The following ARHGEF17 variants were observed in gnomAD, a reference collection of about 807,000 sequenced individuals.
The protein encoded by ARHGEF17 is Rho guanine nucleotide exchange factor 17, also known as 164 kDa Rho-specific guanine-nucleotide exchange factor.
Under a neutral mutation model 174.0 loss-of-function variants are expected in ARHGEF17, and 80 were observed. That is an observed-to-expected ratio of 0.46 (90% CI 0.38 to 0.55). The LOEUF (loss-of-function observed/expected upper bound fraction) is 0.55. Ranked by LOEUF, ARHGEF17 falls within the 20% of genes least tolerant of loss-of-function variation. The pLI is 0.00. For synonymous variants in ARHGEF17, 1,311 were observed against 1,189.1 expected (o/e 1.10, Z -2.11); for missense variants, 2,886 against 2,839.7 (o/e 1.02, Z -0.37).
chr11:73,350,623 T>C (rs971305945), intron 2 of ARHGEF17, among the ~76,000 whole-genome samples: 3 of 152,188 alleles, frequency 2.0e-5, no homozygotes, highest in Non-Finnish European at 4.4e-5. Flanking sequence ...AGAAGTTAAA[T>C]AGAAGTTAGG....
chr11:73,309,887 C>T lies in ARHGEF17; in HGVS notation c.1249C>T (p.Arg417Cys), dbSNP rs751895184. ...SRGSGGWGVYRSPSFGAGEGL... is the reference protein window; with the variant it reads ...SRGSGGWGVYCSPSFGAGEGL... ...GGGTTCTGGGGGCTGGGGCGTGTACCGCTCCCCTAGCTTTGGAGCTGGGGA... is the reference window on the plus strand; with the variant it reads ...GGGTTCTGGGGGCTGGGGCGTGTACTGCTCCCCTAGCTTTGGAGCTGGGGA... The change falls in exon 1 of 21, where the codon CGC (arginine) becomes TGC (cysteine). Residue 417 changes from arginine (R) to cysteine (C), a missense_variant. Physicochemically the swap from Arg to Cys is radical, Grantham distance 180. Coordinates refer to ENST00000263674, the MANE Select transcript of ARHGEF17 (RefSeq NM_014786.4). 12 of 1,612,946 alleles carry T rather than the reference C, an allele frequency of 7.4e-6. No homozygotes were observed. Among genetic ancestry groups the T allele is most frequent in the East Asian group, 2.2e-5 (1 of 44,876 alleles).
Position 73,351,732 on chromosome 11 carries a change from C to G in ARHGEF17, c.3271-1098C>G, listed in dbSNP as rs1047033387. ...AGGTATCTGGGACTACAGGCGCACA[C>G]CACTAGGCCCAGCTAATTTATTGTA... On this transcript the variant is annotated intron_variant, in intron 2 of 20. Transcript: ENST00000263674. Among the ~76,000 whole-genome samples the G allele has an allele frequency of 5.3e-5, 8 of 152,136 alleles. 1 individual carries two copies. In the East Asian group the frequency reaches 1.4e-3, roughly 26 times the overall value.
Position 73,309,079 on chromosome 11 carries a change from C to G in ARHGEF17, c.441C>G (p.Ser147=). 1.3e-6 allele frequency: 2 copies of G among 1,528,862 alleles called. No homozygotes were observed. The highest frequency in any genetic ancestry group is 1.4e-5 in the African/African-American group (1 of 69,726). 94.7% of individuals were successfully genotyped at this position (1,528,862 alleles called of 1,614,324 possible). The change falls in exon 1 of 21, where the codon TCC becomes TCG. Residue 147 remains serine (S), a synonymous_variant. Coordinates refer to ENST00000263674, the MANE Select transcript of ARHGEF17 (RefSeq NM_014786.4). ...GGAGGCCCAGCGCCGACTCTGAATCCCCAGGAACGCCCAGCCCCGACGGTG... is the reference window on the plus strand; with the variant it reads ...GGAGGCCCAGCGCCGACTCTGAATCGCCAGGAACGCCCAGCCCCGACGGTG... ...GSRRPSADSE[S]PGTPSPDGAA...
chr11:73,359,791 GTCTGTC>G (rs2134420100), intron 9 of ARHGEF17, 37 bp from the exon 10 acceptor site: 1 of 1,485,090 alleles, frequency 6.7e-7, no homozygotes, highest in Non-Finnish European at 9.0e-7. Context: ...GCCTGACCTT[GTCTGTC>G]TCTGTATCAG....
Position 73,309,706 on chromosome 11 carries a change from G to A in ARHGEF17, c.1068G>A (p.Gln356=). 1 of 1,613,022 alleles carries A rather than the reference G, an allele frequency of 6.2e-7. No individual in the cohort carries two copies. Among genetic ancestry groups the A allele is most frequent in the South Asian group, 1.1e-5 (1 of 91,080 alleles). ...CTCCGCCCTGCGTCCCAGGTCCCCAGGAGGGACTTCGGCCTATGTCTGACT... is the reference window on the plus strand; with the variant it reads ...CTCCGCCCTGCGTCCCAGGTCCCCAAGAGGGACTTCGGCCTATGTCTGACT... ...SGSPPCVPGP[Q]EGLRPMSDSV... is the part of the protein sequence containing the mutation. The change falls in exon 1 of 21, where the codon CAG becomes CAA. Residue 356 remains glutamine, a synonymous_variant. Coordinates refer to ENST00000263674, the MANE Select transcript of ARHGEF17 (RefSeq NM_014786.4).
rs188711298 is a variant in ARHGEF17, at chr11:73,339,253, A to G, written c.3193-7630A>G. Among the ~76,000 whole-genome samples the G allele has an allele frequency of 3.0e-4, 45 of 152,320 alleles. No individual in the cohort carries two copies. The East Asian group carries it at 6.9e-3, about 24-fold the overall frequency. ...TTAAATCCCCAGCACAGTGCTTGGC[A>G]TCTAATAGGTGCTCTATAAGTATTT... On this transcript the variant is annotated intron_variant, in intron 1 of 20. Coordinates refer to ENST00000263674, the MANE Select transcript of ARHGEF17 (RefSeq NM_014786.4).
At chr11:73,345,591 G>A (rs1324007006) in intron 1 of ARHGEF17, among the ~76,000 whole-genome samples, 1 of 152,184 alleles carries the variant, frequency 6.6e-6, no homozygotes, top group African/African-American at 2.4e-5. Flanking sequence ...GCAGTGACCA[G>A]GACAGCCCCA....
rs1332312893 is a variant in ARHGEF17 at position 73,309,375 on chromosome 11, G to C, written c.737G>C (p.Arg246Pro). The change falls in exon 1 of 21, where the codon CGT (arginine) becomes CCT (proline). Residue 246 changes from arginine to proline, a missense_variant. By Grantham distance (103) the Arg-to-Pro change is moderately radical. This residue lies in a region of ARHGEF17 where 1,728 missense variants were observed against 1,461.2 expected (regional missense o/e 1.18). Coordinates refer to ENST00000263674, the MANE Select transcript of ARHGEF17 (RefSeq NM_014786.4). Reference sequence around the variant, plus strand: ...GCCTCCTATCCTGTCAGCCGCAGTCGTGCTGCCAGCTCCAGCGAGGAGGAA... The same window carrying C: ...GCCTCCTATCCTGTCAGCCGCAGTCCTGCTGCCAGCTCCAGCGAGGAGGAA... The part of the protein sequence containing the change: ...IAASYPVSRS[R>P]AASSSEEEEE... 1 of 1,590,730 alleles carries C rather than the reference G, an allele frequency of 6.3e-7. No individual in the cohort carries two copies. The highest frequency in any genetic ancestry group is 8.6e-7 in the Non-Finnish European group (1 of 1,168,302).
Position 73,361,141 on chromosome 11 carries a change from A to G in ARHGEF17, c.4474A>G (p.Lys1492Glu). The change falls in exon 12 of 21, where the codon AAA becomes GAA. Residue 1492 changes from lysine to glutamate, a missense_variant. Around this residue, in one of 4 missense-constraint regions of ARHGEF17, gnomAD observed 476 missense variants for 473.1 expected, o/e 1.01. Transcript: ENST00000263674. ...GTTCCTGAAGGCCATCCCCATCATG[A>G]AAACCCGCAGTGGCATGCAGGTATG... ...PEFLKAIPIM[K>E]TRSGMQFSCA... 1 of 1,614,162 alleles carries G rather than the reference A, an allele frequency of 6.2e-7. No homozygotes were observed. The highest frequency in any genetic ancestry group is 8.5e-7 in the Non-Finnish European group (1 of 1,180,014).
intron 3 of ARHGEF17, among the ~76,000 whole-genome samples, chr11:73,353,629 G>C (rs1461708408): frequency 6.6e-6 from 1 of 152,178 alleles, no homozygotes; most frequent in Non-Finnish European, 1.5e-5. Context: ...CAGTTAGGAA[G>C]TGGTGGAGGA....
intron 1 of ARHGEF17, among the ~76,000 whole-genome samples, chr11:73,337,185 G>A (rs1457090684): frequency 1.3e-5 from 2 of 152,174 alleles, no homozygotes; most frequent in African/African-American, 4.8e-5. Flanking sequence ...CAGCACTTTG[G>A]GAGGCCGAGG....
chr11:73,309,720 C>G lies in ARHGEF17; in HGVS notation c.1082C>G (p.Pro361Arg). The G allele has an allele frequency of 6.2e-7, 1 of 1,612,892 alleles. No individual in the cohort carries two copies. The highest frequency in any genetic ancestry group is 8.5e-7 in the Non-Finnish European group (1 of 1,179,862). ...CVPGPQEGLRPMSDSVGGAFR... is the reference protein window; with the variant it reads ...CVPGPQEGLRRMSDSVGGAFR... ...CCAGGTCCCCAGGAGGGACTTCGGCCTATGTCTGACTCTGTGGGAGGAGCT... is the reference window on the plus strand; with the variant it reads ...CCAGGTCCCCAGGAGGGACTTCGGCGTATGTCTGACTCTGTGGGAGGAGCT... The change falls in exon 1 of 21, where the codon CCT (proline) becomes CGT (arginine). Residue 361 changes from proline to arginine, a missense_variant. Pro to Arg is a moderately radical substitution (Grantham distance 103). Around this residue, in one of 4 missense-constraint regions of ARHGEF17, gnomAD observed 1,728 missense variants for 1,461.2 expected, o/e 1.18. Transcript: ENST00000263674.
At position 73,317,595 on chromosome 11, in the gene ARHGEF17, A is replaced by C. The variant is rs150417260; in HGVS notation, c.3192+5765A>C. Among the ~76,000 whole-genome samples, 1,058 of 152,340 alleles carry C rather than the reference A, an allele frequency of 6.9e-3. 6 individuals carry two copies. Among genetic ancestry groups the C allele is most frequent in the South Asian group, 0.037 (181 of 4,828 alleles). On this transcript the variant is annotated intron_variant, in intron 1 of 20. Coordinates refer to ENST00000263674, the MANE Select transcript of ARHGEF17 (RefSeq NM_014786.4). ...GGCGTACTTACTGGGAAATGTGCCCAGGCAGCCTGGCGCCTTGCTGGCAAG... is the reference window on the plus strand; with the variant it reads ...GGCGTACTTACTGGGAAATGTGCCCCGGCAGCCTGGCGCCTTGCTGGCAAG...
Position 73,365,200 on chromosome 11 carries a change from A to G in ARHGEF17, c.5551-190A>G. 1 of 623,774 alleles carries G rather than the reference A, an allele frequency of 1.6e-6. No homozygotes were observed. Among genetic ancestry groups the G allele is most frequent in the Non-Finnish European group, 2.8e-6 (1 of 360,112 alleles). The allele number at this position is 623,774 out of a possible 1,614,324, so 38.6% of individuals were successfully genotyped here. ...AATCACTCAAGTTTAATGGGGAAAA[A>G]GCACCTCCATTGTAATTCCTGAGAA... On this transcript the variant is annotated intron_variant, in intron 18 of 20. Coordinates refer to ENST00000263674, the MANE Select transcript of ARHGEF17 (RefSeq NM_014786.4). The surrounding 1 kb of genome is among the most constrained non-coding windows in gnomAD (Gnocchi z 4.9).
intron 1 of ARHGEF17, among the ~76,000 whole-genome samples, chr11:73,337,574 C>G (rs1298379881): frequency 1.3e-5 from 2 of 152,086 alleles, no homozygotes; most frequent in East Asian, 1.9e-4. Context: ...TGTGTGCCAC[C>G]AGGTCTGGCT....
At chr11:73,353,197 T>C in intron 3 of ARHGEF17, 185 bp downstream of exon 3, 1 of 731,702 alleles carries the variant, frequency 1.4e-6, no homozygotes, top group Non-Finnish European at 2.2e-6. Context: ...ACTTGGACAC[T>C]CCCCTACCCC....
intron 2 of ARHGEF17, among the ~76,000 whole-genome samples, chr11:73,351,593 T>C (rs1339757311): frequency 6.6e-6 from 1 of 152,078 alleles, no homozygotes; most frequent in Non-Finnish European, 1.5e-5. Flanking sequence ...TTCACACCAT[T>C]ATCGCCTTAT....
intron 11 of ARHGEF17, 109 bp downstream of exon 11, chr11:73,360,642 G>A: frequency 1.7e-6 from 2 of 1,174,316 alleles, no homozygotes; most frequent in Non-Finnish European, 2.5e-6. Context: ...AGTGCCCTGT[G>A]CTCCGGCTCC....
At chr11:73,322,412 C>T (rs918611793) in intron 1 of ARHGEF17, among the ~76,000 whole-genome samples, 4 of 152,240 alleles carry the variant, frequency 2.6e-5, no homozygotes, top group East Asian at 1.9e-4. Context: ...CTGCATCATT[C>T]AGATGGGGAA....
Sources: allele counts gnomAD v4.1 joint callset (sites outside exome capture counted in the v4.1 genomes callset), GRCh38; gene constraint gnomAD v4.1.1; regional missense constraint gnomAD v4.1.1; non-coding constraint Gnocchi (gnomAD v3.1); transcripts MANE v1.5; gene names NCBI Gene and HGNC (gene_info 2026-07-23, HGNC 2026-07-21).